DACH1: variants seen among roughly 807,000 people sequenced by gnomAD.
DACH1 encodes the protein dachshund homolog 1.
In DACH1, 12 loss-of-function variants were observed where a neutral mutation model predicts 54.2. The observed-to-expected ratio is 0.22, with a 90% CI of 0.14 to 0.36. The LOEUF (loss-of-function observed/expected upper bound fraction) is 0.36, where lower values mean the gene tolerates loss of function less well. Among genes scored for constraint, DACH1 ranks in the 10% least tolerant of loss-of-function variants. The pLI, the probability that DACH1 is intolerant of heterozygous loss-of-function variation, is 1.00. For synonymous variants in DACH1, 386 were observed against 366.2 expected, an observed-to-expected ratio of 1.05 and a Z score of -0.62; for missense variants, 805 against 929.8, an observed-to-expected ratio of 0.87 and a Z score of 1.75.
chr13:71,854,746 C>T (rs1873892265), intron 1 of DACH1, among the ~76,000 whole-genome samples: 1 of 151,998 alleles, frequency 6.6e-6, no homozygotes, highest in Non-Finnish European at 1.5e-5. Context: ...GAGTGGAGTG[C>T]AATAGCCATG....
At chr13:71,779,156 T>TAC (rs1179062263) in intron 1 of DACH1, among the ~76,000 whole-genome samples, 25 of 78,880 alleles carry the variant, frequency 3.2e-4, no homozygotes, top group African/African-American at 1.1e-3. Flanking sequence ...TACACATATA[T>TAC]ACGTATATAC....
intron 1 of DACH1, among the ~76,000 whole-genome samples, chr13:71,702,014 C>CTCT (rs1428892896): frequency 1.3e-5 from 2 of 152,010 alleles, no homozygotes; most frequent in Non-Finnish European, 2.9e-5. Context: ...TCTCTTTTTC[C>CTCT]TCTTCTTCTT....
chr13:71,640,479 A>G (rs1877817002), intron 2 of DACH1, among the ~76,000 whole-genome samples: 1 of 152,130 alleles, frequency 6.6e-6, no homozygotes, highest in Non-Finnish European at 1.5e-5. Context: ...AATAAAAAGA[A>G]GAGTAAATAA....
At chr13:71,781,386 A>ATTTT (rs1886369342) in intron 1 of DACH1, among the ~76,000 whole-genome samples, 1 of 144,672 alleles carries the variant, frequency 6.9e-6, no homozygotes, top group Non-Finnish European at 1.5e-5. Context: ...TTATTTATTT[A>ATTTT]TTTATTTTTT....
intron 10 of DACH1, among the ~76,000 whole-genome samples, chr13:71,467,184 C>T (rs1441327568): frequency 2.0e-5 from 3 of 151,566 alleles, no homozygotes; most frequent in Non-Finnish European, 4.4e-5. Context: ...CCACAAGAGG[C>T]CTTCAGCATT....
intron 4 of DACH1, among the ~76,000 whole-genome samples, chr13:71,568,313 T>C (rs1447324913): frequency 6.6e-6 from 1 of 152,036 alleles, no homozygotes; most frequent in African/African-American, 2.4e-5. Flanking sequence ...ACAAAATCTT[T>C]GGAACTATGA....
At chr13:71,724,530 A>C (rs1371570858) in intron 1 of DACH1, among the ~76,000 whole-genome samples, 1 of 152,150 alleles carries the variant, frequency 6.6e-6, no homozygotes, top group Non-Finnish European at 1.5e-5. Flanking sequence ...ACTTGTTCAA[A>C]ATAACTTGGA....
intron 1 of DACH1, among the ~76,000 whole-genome samples, chr13:71,690,148 A>C (rs1031421876): frequency 2.6e-5 from 4 of 152,192 alleles, no homozygotes; most frequent in African/African-American, 9.7e-5. Context: ...AAGTAAATGC[A>C]TCAAACAGAT....
chr13:71,537,810 C>T (rs188344550), intron 6 of DACH1, among the ~76,000 whole-genome samples: 81 of 152,206 alleles, frequency 5.3e-4, no homozygotes, highest in Admixed American at 1.0e-3. Context: ...TTGGAATTAT[C>T]TAGCTTGATC....
chr13:71,649,705 G>T (rs1297676392), intron 2 of DACH1, among the ~76,000 whole-genome samples: 1 of 152,088 alleles, frequency 6.6e-6, no homozygotes, highest in African/African-American at 2.4e-5. Flanking sequence ...ATCACAAAAA[G>T]ATCCACATTG....
At chr13:71,773,363 A>C (rs1320047316) in intron 1 of DACH1, among the ~76,000 whole-genome samples, 1 of 151,928 alleles carries the variant, frequency 6.6e-6, no homozygotes, top group Non-Finnish European at 1.5e-5. Context: ...AATTTGGCAT[A>C]AGTCTTTTGA....
At chr13:71,753,927 A>T (rs550035651) in intron 1 of DACH1, among the ~76,000 whole-genome samples, 13 of 152,276 alleles carry the variant, frequency 8.5e-5, no homozygotes, top group African/African-American at 2.9e-4. Context: ...TAAATGACCA[A>T]ATGTTTTATT....
intron 7 of DACH1, among the ~76,000 whole-genome samples, chr13:71,487,264 CT>C (rs1878614462): frequency 6.6e-6 from 1 of 152,084 alleles, no homozygotes; most frequent in African/African-American, 2.4e-5. Flanking sequence ...GACCATTGTC[CT>C]TTTATCTACT....
At chr13:71,758,834 C>T (rs78188208) in intron 1 of DACH1, among the ~76,000 whole-genome samples, 120 of 152,212 alleles carry the variant, frequency 7.9e-4, no homozygotes, top group African/African-American at 2.8e-3. Flanking sequence ...AATTAGTACA[C>T]TGTTAAGGCC....
intron 2 of DACH1, among the ~76,000 whole-genome samples, chr13:71,657,006 A>G (rs1594056827): frequency 7.4e-6 from 1 of 135,912 alleles, no homozygotes; most frequent in Admixed American, 7.3e-5. Context: ...GTATGTGTAT[A>G]TATATATACA....
chr13:71,450,414 G>A (rs780578494), intron 10 of DACH1, among the ~76,000 whole-genome samples: 5 of 152,012 alleles, frequency 3.3e-5, no homozygotes, highest in Admixed American at 6.6e-5. Context: ...ATAAGACGAT[G>A]AACTTAATAA....
chr13:71,498,849 G>A (rs1283898789), intron 6 of DACH1, among the ~76,000 whole-genome samples: 1 of 151,970 alleles, frequency 6.6e-6, no homozygotes, highest in African/African-American at 2.4e-5. Flanking sequence ...GCTCAAAAAA[G>A]AATCTTTAGT....
At chr13:71,606,403 A>G (rs564558573) in intron 3 of DACH1, among the ~76,000 whole-genome samples, 1 of 152,176 alleles carries the variant, frequency 6.6e-6, no homozygotes, top group Non-Finnish European at 1.5e-5. Context: ...TATTCTAAGG[A>G]AATAAAGAAT....
chr13:71,717,866 A>AT (rs1216756517), intron 1 of DACH1, among the ~76,000 whole-genome samples: 3 of 152,010 alleles, frequency 2.0e-5, no homozygotes, highest in Non-Finnish European at 2.9e-5. Context: ...CCAATATGGA[A>AT]TTAGTAGTCC....
Sources: allele counts gnomAD v4.1 joint callset (sites outside exome capture counted in the v4.1 genomes callset), GRCh38; gene constraint gnomAD v4.1.1; transcripts MANE v1.5; gene names NCBI Gene and HGNC (gene_info 2026-07-23, HGNC 2026-07-21).